JAKMIP2: variants seen among roughly 807,000 people sequenced by gnomAD.
JAKMIP2 encodes the protein janus kinase and microtubule interacting protein 2.
JAKMIP2 carries 25 observed loss-of-function variants against 115.0 expected under a neutral mutation model. That is an observed-to-expected ratio of 0.22 (90% CI 0.16 to 0.30). The LOEUF (loss-of-function observed/expected upper bound fraction) is 0.30. Ranked by LOEUF, JAKMIP2 falls within the 10% of genes least tolerant of loss-of-function variation. The probability of loss-of-function intolerance (pLI) is 1.00; values close to 1 mark genes in which losing one functional copy is unlikely to be tolerated. For synonymous variants in JAKMIP2, 334 were observed against 343.6 expected (o/e 0.97, Z 0.31); for missense variants, 642 against 957.6 (o/e 0.67, Z 4.35).
At position 147,585,916 on chromosome 5, in the gene JAKMIP2, T is replaced by C. The variant is rs1243049193; in HGVS notation, c.*5791A>G. 1 of 151,932 alleles carries C rather than the reference T, an allele frequency of 6.6e-6. No individual in the cohort carries two copies. The highest frequency in any genetic ancestry group is 2.4e-5 in the African/African-American group (1 of 41,398). 9.4% of individuals were successfully genotyped at this position (151,932 alleles called of 1,614,324 possible). On this transcript the variant is annotated 3_prime_UTR_variant, in exon 22 of 22. Coordinates refer to ENST00000616793, the MANE Select transcript of JAKMIP2 (RefSeq NM_001270941.2). ...TTTTAGCTAATAAAGATATGGGACT[T>C]TTGGCTAATTTTAATACTGTAGATT...
At chr5:147,750,088 A>G (rs1177543026) in intron 1 of JAKMIP2, among the ~76,000 whole-genome samples, 1 of 152,220 alleles carries the variant, frequency 6.6e-6, no homozygotes, top group Non-Finnish European at 1.5e-5. Context: ...GATTTTTAAA[A>G]AGTCAAATAA....
intron 20 of JAKMIP2, among the ~76,000 whole-genome samples, chr5:147,611,172 C>A (rs978431187): frequency 6.6e-6 from 1 of 152,190 alleles, no homozygotes; most frequent in African/African-American, 2.4e-5. Flanking sequence ...TGGCTTCAGG[C>A]CCCTTTCCAG....
intron 1 of JAKMIP2, among the ~76,000 whole-genome samples, chr5:147,678,962 T>C: frequency 1.6e-5 from 1 of 63,670 alleles, no homozygotes; most frequent in Non-Finnish European, 2.4e-5. Context: ...ACTACATTTT[T>C]ATTTATTTAT....
chr5:147,654,456 T>A (rs1328183151), intron 3 of JAKMIP2, among the ~76,000 whole-genome samples: 1 of 152,142 alleles, frequency 6.6e-6, no homozygotes, highest in Non-Finnish European at 1.5e-5. Flanking sequence ...TTCCTAGGTA[T>A]TTTATTCTCT....
chr5:147,661,621 A>G, intron 2 of JAKMIP2, 176 bp from the exon 3 acceptor site: 1 of 615,738 alleles, frequency 1.6e-6, no homozygotes, highest in Non-Finnish European at 2.8e-6. Flanking sequence ...ACAGTGTGTA[A>G]GAGGAGGAAA....
intron 10 of JAKMIP2, 31 bp from the exon 11 acceptor site, chr5:147,637,079 A>G (rs2126704557): frequency 2.3e-6 from 2 of 870,896 alleles, no homozygotes; most frequent in South Asian, 1.3e-5. Flanking sequence ...GAACTCAGCA[A>G]GTAAAATGGT....
At chr5:147,698,244 A>G (rs920326063) in intron 1 of JAKMIP2, among the ~76,000 whole-genome samples, 1 of 152,178 alleles carries the variant, frequency 6.6e-6, no homozygotes, top group African/African-American at 2.4e-5. Context: ...CCCATTTTGA[A>G]CAGGTGTATT....
chr5:147,698,145 G>C (rs946112136), intron 1 of JAKMIP2, among the ~76,000 whole-genome samples: 2 of 152,190 alleles, frequency 1.3e-5, no homozygotes, highest in African/African-American at 2.4e-5. Flanking sequence ...AGTCCAAAGA[G>C]ATCATTTGGA....
At chr5:147,772,803 G>A (rs192318026) in intron 1 of JAKMIP2, among the ~76,000 whole-genome samples, 133 of 151,998 alleles carry the variant, frequency 8.8e-4, no homozygotes, top group Admixed American at 1.2e-3. Flanking sequence ...GAATGGCTTT[G>A]GGTATAACAT....
intron 2 of JAKMIP2, among the ~76,000 whole-genome samples, chr5:147,663,343 G>T (rs1759131733): frequency 6.6e-6 from 1 of 152,152 alleles, no homozygotes; most frequent in Non-Finnish European, 1.5e-5. Context: ...CTAATCAGCT[G>T]CCAGGGAAGC....
intron 1 of JAKMIP2, among the ~76,000 whole-genome samples, chr5:147,724,619 CAGGCTAATAGG>C (rs1310936671): frequency 2.0e-5 from 3 of 152,040 alleles, no homozygotes; most frequent in Non-Finnish European, 2.9e-5. Flanking sequence ...TTGAGTTAAC[CAGGCTAATAGG>C]AGGCTCAGCT....
intron 1 of JAKMIP2, among the ~76,000 whole-genome samples, chr5:147,731,052 A>G (rs1435449704): frequency 1.3e-5 from 2 of 152,158 alleles, no homozygotes; most frequent in East Asian, 3.8e-4. Flanking sequence ...ATTGAGGCCA[A>G]GTTGTTAGAT....
At chr5:147,679,313 T>C (rs1760138990) in intron 1 of JAKMIP2, among the ~76,000 whole-genome samples, 1 of 152,100 alleles carries the variant, frequency 6.6e-6, no homozygotes, top group Non-Finnish European at 1.5e-5. Flanking sequence ...TCTCACATCA[T>C]AAAATACCAC....
At chr5:147,626,565 C>T (rs143101178) in intron 16 of JAKMIP2, among the ~76,000 whole-genome samples, 283 of 152,228 alleles carry the variant, frequency 1.9e-3, no homozygotes, top group Middle Eastern at 6.8e-3. Flanking sequence ...CTTCAGATTC[C>T]TTGTGTGAAA....
Position 147,780,289 on chromosome 5 carries a change from T to C in JAKMIP2, c.-149+2167A>G, listed in dbSNP as rs925951540. The stretch of plus-strand genomic sequence containing the variant: ...TGAAACAGGCTATCTACAAGGAGTT[T>C]TAAGCACATGGCCTAAGGGATTTGC... On this transcript the variant is annotated intron_variant, in intron 1 of 21. Transcript: ENST00000616793. 1.6e-4 allele frequency among the ~76,000 whole-genome samples: 25 copies of C among 152,254 alleles called. 1 individual carries two copies. Among genetic ancestry groups the C allele is most frequent in the African/African-American group, 6.0e-4 (25 of 41,546 alleles).
chr5:147,621,810 T>A (rs1232377180), intron 17 of JAKMIP2, among the ~76,000 whole-genome samples: 1 of 152,160 alleles, frequency 6.6e-6, no homozygotes, highest in African/African-American at 2.4e-5. Context: ...CCTCATCCAA[T>A]AGGAATCCAC....
intron 1 of JAKMIP2, among the ~76,000 whole-genome samples, chr5:147,715,716 G>A (rs985710937): frequency 6.6e-6 from 1 of 151,598 alleles, no homozygotes; most frequent in Admixed American, 6.6e-5. Flanking sequence ...AGTCGTAGTA[G>A]GAGTTTTTTC....
At chr5:147,672,063 TCC>T in intron 1 of JAKMIP2, 109 bp from the exon 2 acceptor site, 16 of 665,180 alleles carry the variant, frequency 2.4e-5, no homozygotes, top group Non-Finnish European at 3.2e-5. Context: ...CCTGAGGCTC[TCC>T]TATCCTCAGT....
intron 1 of JAKMIP2, among the ~76,000 whole-genome samples, chr5:147,744,566 A>T (rs1347405157): frequency 6.6e-6 from 1 of 152,274 alleles, no homozygotes; most frequent in Non-Finnish European, 1.5e-5. Flanking sequence ...GCAAAGATAC[A>T]GAGCAATATC....
Sources: gnomAD v4.1 joint callset for allele counts (sites outside exome capture counted in the v4.1 genomes callset) on GRCh38, gnomAD v4.1.1 for gene constraint, MANE v1.5 for transcripts, NCBI Gene and HGNC (gene_info 2026-07-23, HGNC 2026-07-21) for gene names.